The following FILIP1 variants were observed in gnomAD, a reference collection of about 807,000 sequenced individuals.
The protein encoded by FILIP1 is filamin A interacting protein 1, also known as filamin-A-interacting protein 1.
In FILIP1, 61 loss-of-function variants were observed where a neutral mutation model predicts 102.1. The observed-to-expected ratio is 0.60, with a 90% CI of 0.49 to 0.74. The LOEUF is 0.74. FILIP1 is among the 30% of genes least tolerant of loss of function. The probability of loss-of-function intolerance (pLI) is 0.00; values close to 1 mark genes in which losing one functional copy is unlikely to be tolerated. For synonymous variants in FILIP1, 491 were observed against 526.9 expected, an observed-to-expected ratio of 0.93 and a Z score of 0.93; for missense variants, 1,314 against 1,441.2, an observed-to-expected ratio of 0.91 and a Z score of 1.43.
rs61429237 is a variant in FILIP1 at position 75,302,823 on chromosome 6, C to CATGATATGATATGAT, written c.3493+6002_3493+6016dup. ...GAGATGATGATATGATATGATATGACATGATATGATATGATATGATATGAT... is the reference window on the plus strand; with the variant it reads ...GAGATGATGATATGATATGATATGACATGATATGATATGATATGATATGATATGATATGATATGAT... On this transcript the variant is annotated intron_variant, in intron 6 of 6. Coordinates refer to the FILIP1 transcript ENST00000393004. Among the ~76,000 whole-genome samples the CATGATATGATATGAT allele has an allele frequency of 5.0e-3, 745 of 149,210 alleles. 1 individual carries two copies. The highest frequency in any genetic ancestry group is 9.9e-3 in the South Asian group (46 of 4,644).
At chr6:75,461,211 A>G (rs1779013859) in intron 1 of FILIP1, among the ~76,000 whole-genome samples, 1 of 152,226 alleles carries the variant, frequency 6.6e-6, no homozygotes. Flanking sequence ...ATCTTGCATA[A>G]TCATCAGACC....
intron 2 of FILIP1, among the ~76,000 whole-genome samples, chr6:75,410,775 C>T (rs1371600914): frequency 6.6e-6 from 1 of 152,154 alleles, no homozygotes; most frequent in Non-Finnish European, 1.5e-5. Flanking sequence ...ATATGTGCCA[C>T]ATTTTCTTTA....
chr6:75,389,807 A>AT (rs1776223245), intron 2 of FILIP1, among the ~76,000 whole-genome samples: 1 of 151,254 alleles, frequency 6.6e-6, no homozygotes, highest in Non-Finnish European at 1.5e-5. Flanking sequence ...TTTTGCCATC[A>AT]TTTTTTCTAA....
At chr6:75,412,861 C>G (rs950736357) in intron 2 of FILIP1, among the ~76,000 whole-genome samples, 2 of 152,140 alleles carry the variant, frequency 1.3e-5, no homozygotes, top group Admixed American at 6.6e-5. Context: ...CCTTCATTAT[C>G]CTTCTCTTCA....
At chr6:75,305,762 C>T (rs549711412), downstream of FILIP1, among the ~76,000 whole-genome samples, 1 of 148,666 alleles carries the variant, frequency 6.7e-6, no homozygotes, top group African/African-American at 2.5e-5. Flanking sequence ...CTGTGTAGAT[C>T]GTGTCCTGCA....
chr6:75,400,442 T>A (rs1377148099), intron 2 of FILIP1, among the ~76,000 whole-genome samples: 1 of 152,098 alleles, frequency 6.6e-6, no homozygotes, highest in Admixed American at 6.6e-5. Context: ...TTGTTAAAAA[T>A]AGTCAATTTA....
At chr6:75,352,171 T>C (rs897507821) in intron 4 of FILIP1, among the ~76,000 whole-genome samples, 3 of 152,242 alleles carry the variant, frequency 2.0e-5, no homozygotes, top group Non-Finnish European at 4.4e-5. Context: ...CTAATTGTGA[T>C]AGCTTCTTCT....
At position 75,312,619 on chromosome 6, in the gene FILIP1, T is replaced by G; in HGVS notation, c.3213A>C (p.Leu1071Phe). Residue 1071 changes from leucine to phenylalanine, a missense_variant, in exon 5 of 6, where the codon TTA becomes TTC. Physicochemically the swap from Leu to Phe is conservative, Grantham distance 22. This residue lies in a region of FILIP1 where 816 missense variants were observed against 913.1 expected (regional missense o/e 0.89). Transcript: ENST00000237172. The part of the protein sequence containing the change: ...TTEDNKIHIH[L>F]GSQFKRSPGT... ...CAGGGGACCGTTTAAACTGAGACCCTAAGTGAATGTGAATTTTATTGTCCT... is the reference window on the plus strand; with the variant it reads ...CAGGGGACCGTTTAAACTGAGACCCGAAGTGAATGTGAATTTTATTGTCCT... The G allele has an allele frequency of 1.2e-6, 2 of 1,614,180 alleles. No homozygotes were observed.
intron 1 of FILIP1, among the ~76,000 whole-genome samples, chr6:75,487,229 T>C (rs557566527): frequency 6.6e-6 from 1 of 152,282 alleles, no homozygotes; most frequent in South Asian, 2.1e-4. Context: ...ACTTATAGAA[T>C]AATTAGGAAA....
At chr6:75,321,649 C>CCGGGCGCGGTGG in intron 4 of FILIP1, among the ~76,000 whole-genome samples, 1 of 152,104 alleles carries the variant, frequency 6.6e-6, no homozygotes, top group Non-Finnish European at 1.5e-5. Flanking sequence ...AAAAAATTAG[C>CCGGGCGCGGTGG]CGGGCGCGGT....
intron 2 of FILIP1, among the ~76,000 whole-genome samples, chr6:75,380,991 G>A (rs1240666060): frequency 2.6e-5 from 4 of 151,956 alleles, no homozygotes; most frequent in Non-Finnish European, 5.9e-5. Context: ...CTCCTAAGGA[G>A]ACTTTTTAGG....
chr6:75,382,113 C>T (rs148050652), intron 2 of FILIP1, among the ~76,000 whole-genome samples: 125 of 152,336 alleles, frequency 8.2e-4, no homozygotes, highest in African/African-American at 2.8e-3. Context: ...CCCCACACTA[C>T]ATAACTTGAT....
intron 2 of FILIP1, among the ~76,000 whole-genome samples, chr6:75,398,304 G>T (rs537740929): frequency 6.6e-6 from 1 of 152,298 alleles, no homozygotes; most frequent in Non-Finnish European, 1.5e-5. Flanking sequence ...ATGACGGGTT[G>T]ACATAGTAAT....
At position 75,314,312 on chromosome 6, in the gene FILIP1, A is replaced by G; in HGVS notation, c.1520T>C (p.Met507Thr). ...DLTKLKSFTV[M>T]LVDERKNMME... ...CATATTTTTCCTTTCATCAACCAGC[A>G]TCACGGTAAATGACTTCAACTTGGT... The change falls in exon 5 of 6, where the codon ATG (methionine) becomes ACG (threonine). Residue 507 changes from methionine (M) to threonine (T), a missense_variant. Around this residue, in one of 3 missense-constraint regions of FILIP1, gnomAD observed 816 missense variants for 913.1 expected, o/e 0.89. Transcript: ENST00000237172. 6.6e-7 allele frequency: 1 copy of G among 1,525,304 alleles called. No homozygotes were observed. The highest frequency in any genetic ancestry group is 1.3e-5 in the South Asian group (1 of 74,386). 94.5% of individuals were successfully genotyped at this position (1,525,304 alleles called of 1,614,324 possible). A position where few individuals can be genotyped will look rare whatever the true frequency, so the allele number is the denominator to read the frequency against.
chr6:75,381,924 A>C (rs908704307), intron 2 of FILIP1, among the ~76,000 whole-genome samples: 1 of 152,220 alleles, frequency 6.6e-6, no homozygotes, highest in Non-Finnish European at 1.5e-5. Flanking sequence ...GAGTTATCTA[A>C]CTCCAAAATA....
intron 2 of FILIP1, among the ~76,000 whole-genome samples, chr6:75,386,604 A>G (rs1181789950): frequency 2.0e-5 from 3 of 152,314 alleles, no homozygotes; most frequent in East Asian, 3.9e-4. Flanking sequence ...ACATCTCAAG[A>G]TGACTTAATC....
chr6:75,488,074 A>G (rs1231332890), intron 1 of FILIP1, among the ~76,000 whole-genome samples: 8 of 152,178 alleles, frequency 5.3e-5, no homozygotes, highest in Non-Finnish European at 1.2e-4. Context: ...TCAGAAACAC[A>G]TAAATCACCC....
chr6:75,358,920 C>T (rs1007554510), intron 3 of FILIP1, among the ~76,000 whole-genome samples: 26 of 151,560 alleles, frequency 1.7e-4, no homozygotes, highest in Non-Finnish European at 3.1e-4. Context: ...GATGGAGTTT[C>T]ACCATGTCAG....
At chr6:75,311,728 C>T (rs1041946155) in intron 5 of FILIP1, among the ~76,000 whole-genome samples, 2 of 152,256 alleles carry the variant, frequency 1.3e-5, no homozygotes, top group Non-Finnish European at 2.9e-5. Flanking sequence ...AACTCCTGAC[C>T]TCAGGTAATC....
Sources: allele counts gnomAD v4.1 joint callset (sites outside exome capture counted in the v4.1 genomes callset), GRCh38; gene constraint gnomAD v4.1.1; regional missense constraint gnomAD v4.1.1; transcripts MANE v1.5; gene names NCBI Gene and HGNC (gene_info 2026-07-23, HGNC 2026-07-21).